Variants in AUTS2 observed in about 807,000 individuals in gnomAD.
The protein encoded by AUTS2 is activator of transcription and developmental regulator AUTS2.
AUTS2 carries 17 observed loss-of-function variants against 112.4 expected under a neutral mutation model. That is an observed-to-expected ratio of 0.15 (90% CI 0.10 to 0.23). AUTS2 has a LOEUF of 0.23. AUTS2 is among the 10% of genes least tolerant of loss of function. The pLI is 1.00. For missense variants in AUTS2, 1,510 were observed against 1,701.6 expected, an observed-to-expected ratio of 0.89 and a Z score of 1.98; for synonymous variants, 751 against 702.7, an observed-to-expected ratio of 1.07 and a Z score of -1.09.
intron 1 of AUTS2, among the ~76,000 whole-genome samples, chr7:69,816,506 GCACAGCATT>G (rs1431432894): frequency 1.3e-5 from 2 of 152,124 alleles, no homozygotes; most frequent in Non-Finnish European, 2.9e-5. Context: ...TCGGCCCCGT[GCACAGCATT>G]CACAGCTGCT....
chr7:70,056,765 A>G (rs1802012177), intron 2 of AUTS2, among the ~76,000 whole-genome samples: 1 of 152,186 alleles, frequency 6.6e-6, no homozygotes, highest in Non-Finnish European at 1.5e-5. Context: ...TGGTTTGGAC[A>G]GCGCTTCCGA....
intron 6 of AUTS2, among the ~76,000 whole-genome samples, chr7:70,718,688 A>C (rs896257375): frequency 3.9e-5 from 6 of 152,102 alleles, no homozygotes; most frequent in Non-Finnish European, 8.8e-5. Flanking sequence ...AACAAACAAA[A>C]AAACCCAATA....
At chr7:70,756,207 G>A (rs1206678253) in intron 6 of AUTS2, among the ~76,000 whole-genome samples, 1 of 152,174 alleles carries the variant, frequency 6.6e-6, no homozygotes, top group East Asian at 1.9e-4. Flanking sequence ...TTTGTCATGA[G>A]ATATTTTCTG....
intron 2 of AUTS2, among the ~76,000 whole-genome samples, chr7:69,915,413 A>C (rs578219478): frequency 6.6e-6 from 1 of 152,200 alleles, no homozygotes; most frequent in Admixed American, 6.5e-5. Flanking sequence ...CTCAGGTGCA[A>C]TTTACTGGGA....
At chr7:70,300,512 C>T (rs1014445504) in intron 4 of AUTS2, among the ~76,000 whole-genome samples, 1 of 152,160 alleles carries the variant, frequency 6.6e-6, no homozygotes, top group African/African-American at 2.4e-5. Flanking sequence ...GTGAATGCTT[C>T]TCAGGAATGT....
At chr7:69,958,718 G>A (rs1193259235) in intron 2 of AUTS2, among the ~76,000 whole-genome samples, 1 of 152,132 alleles carries the variant, frequency 6.6e-6, no homozygotes, top group Non-Finnish European at 1.5e-5. Flanking sequence ...TCACCTAAAA[G>A]GCTGGTTTAA....
Position 70,370,830 on chromosome 7 carries a change from C to T in AUTS2, c.661-64922C>T, listed in dbSNP as rs562994650. 2.0e-5 allele frequency among the ~76,000 whole-genome samples: 3 copies of T among 152,074 alleles called. No homozygotes were observed. The East Asian group carries it at 5.8e-4, about 29-fold the overall frequency. The stretch of plus-strand genomic sequence containing the variant: ...TCTAGTTTCTCCATATCCTTGCTAA[C>T]ACTTGTTGTCTTTTTTTTTTTATTA... On this transcript the variant is annotated intron_variant, in intron 4 of 18. Transcript: ENST00000342771.
intron 1 of AUTS2, among the ~76,000 whole-genome samples, chr7:69,636,313 C>G (rs1794516364): frequency 6.6e-6 from 1 of 151,916 alleles, no homozygotes; most frequent in Non-Finnish European, 1.5e-5. Context: ...TTACTGCCGC[C>G]TCCACCTCCT....
chr7:69,890,237 T>TC (rs1351410193), intron 1 of AUTS2, among the ~76,000 whole-genome samples: 1 of 152,170 alleles, frequency 6.6e-6, no homozygotes, highest in East Asian at 1.9e-4. Context: ...TGGGATGTTT[T>TC]CAATTCACAG....
chr7:70,568,850 C>G (rs753653562), intron 5 of AUTS2, among the ~76,000 whole-genome samples: 2 of 152,250 alleles, frequency 1.3e-5, no homozygotes, highest in Non-Finnish European at 2.9e-5. Context: ...TAAGCACATT[C>G]TTTTTCACCC....
In AUTS2 at chr7:70,692,183, G is replaced by A. The variant is rs193071549; in HGVS notation, c.691-6386G>A. ...GCGCCCAGACTGATGACAATCTAATGCAAGGCATGATAAATGTCAGAAGTG... is the reference window on the plus strand; with the variant it reads ...GCGCCCAGACTGATGACAATCTAATACAAGGCATGATAAATGTCAGAAGTG... On this transcript the variant is annotated intron_variant, in intron 5 of 18. Transcript: ENST00000342771. 4.6e-5 allele frequency among the ~76,000 whole-genome samples: 7 copies of A among 152,272 alleles called. No homozygotes were observed. In the East Asian group the frequency reaches 1.4e-3, roughly 29 times the overall value.
At chr7:70,300,368 G>A (rs1042139490) in intron 4 of AUTS2, among the ~76,000 whole-genome samples, 2 of 152,160 alleles carry the variant, frequency 1.3e-5, no homozygotes, top group Admixed American at 6.6e-5. Flanking sequence ...GGCCTAGCTA[G>A]ATATTATATT....
Position 70,631,943 on chromosome 7 carries a change from T to C in AUTS2, c.691-66626T>C, listed in dbSNP as rs1394822476. ...AAAAGGACAAGGAGATTTGCATCTC[T>C]GGCCTCCTGTGGAGACCCGATCTGC... is the stretch of plus-strand genomic sequence containing the variant. On this transcript the variant is annotated intron_variant, in intron 5 of 18. Coordinates refer to ENST00000342771, the MANE Select transcript of AUTS2 (RefSeq NM_015570.4). The surrounding 1 kb of genome is among the most constrained non-coding windows in gnomAD (Gnocchi z 4.5). Among the ~76,000 whole-genome samples, 1 of 152,008 alleles carries C rather than the reference T, an allele frequency of 6.6e-6. No homozygotes were observed. Among genetic ancestry groups the C allele is most frequent in the African/African-American group, 2.4e-5 (1 of 41,400 alleles).
intron 6 of AUTS2, among the ~76,000 whole-genome samples, chr7:70,721,414 T>G (rs1223511546): frequency 6.6e-6 from 1 of 151,990 alleles, no homozygotes; most frequent in African/African-American, 2.4e-5. Flanking sequence ...TTCTCCTGCC[T>G]CAGCCTCCCG....
intron 2 of AUTS2, among the ~76,000 whole-genome samples, chr7:69,977,930 T>C (rs1798127258): frequency 6.6e-6 from 1 of 152,220 alleles, no homozygotes; most frequent in South Asian, 2.1e-4. Context: ...AGAGTCTGTT[T>C]ATATTTATTT....
chr7:70,640,895 A>G (rs1300534602), intron 5 of AUTS2, among the ~76,000 whole-genome samples: 1 of 152,160 alleles, frequency 6.6e-6, no homozygotes, highest in Non-Finnish European at 1.5e-5. Context: ...TTCCTGCAGC[A>G]GCTTCCAGTC....
chr7:69,741,896 C>T (rs1787280939), intron 1 of AUTS2, among the ~76,000 whole-genome samples: 2 of 151,876 alleles, frequency 1.3e-5, no homozygotes, highest in Non-Finnish European at 2.9e-5. Flanking sequence ...CTCAACTTCA[C>T]AGGCTTAAGT....
intron 2 of AUTS2, among the ~76,000 whole-genome samples, chr7:69,916,220 CA>C (rs1795575526): frequency 6.6e-6 from 1 of 152,168 alleles, no homozygotes. Flanking sequence ...GGTAGTTTCC[CA>C]GTGAATTTAT....
rs151153627 is a variant in AUTS2 at position 70,285,288 on chromosome 7, G to T, written c.661-150464G>T. 3.7e-3 allele frequency among the ~76,000 whole-genome samples: 559 copies of T among 152,228 alleles called. 4 individuals are homozygous for T. The highest frequency in any genetic ancestry group is 0.013 in the African/African-American group (520 of 41,540). On this transcript the variant is annotated intron_variant, in intron 4 of 18. Transcript: ENST00000342771. ...GTGTAGTAGAGTATATTTCCAACTT[G>T]GTATTTATAAAACACATTTGCTCTG...
Sources: gnomAD v4.1 joint callset for allele counts (sites outside exome capture counted in the v4.1 genomes callset) on GRCh38, gnomAD v4.1.1 for gene constraint, Gnocchi (gnomAD v3.1) non-coding constraint, MANE v1.5 for transcripts, NCBI Gene and HGNC (gene_info 2026-07-23, HGNC 2026-07-21) for gene names.